OTUD7A: variants seen among roughly 807,000 people sequenced by gnomAD.
The protein encoded by OTUD7A is OTU deubiquitinase 7A.
In OTUD7A, 12 loss-of-function variants were observed where a neutral mutation model predicts 65.7. That is an observed-to-expected ratio of 0.18 (90% CI 0.12 to 0.30). The LOEUF (loss-of-function observed/expected upper bound fraction) is 0.30, where lower values mean the gene tolerates loss of function less well. OTUD7A is among the 10% of genes least tolerant of loss of function. The pLI is 1.00. For missense variants in OTUD7A, 1,148 were observed against 1,304.8 expected (o/e 0.88, Z 1.85); for synonymous variants, 641 against 586.3 (o/e 1.09, Z -1.35).
Position 31,849,994 on chromosome 15 carries a change from A to G in OTUD7A, c.-100+20513T>C, listed in dbSNP as rs552658704. ...TAAACTAGTTCAACCATTGTGGAAGACAGTGTGGCAATTCCTCAAGGATCT... is the reference window on the plus strand; with the variant it reads ...TAAACTAGTTCAACCATTGTGGAAGGCAGTGTGGCAATTCCTCAAGGATCT... On this transcript the variant is annotated intron_variant, in intron 1 of 12. Transcript: ENST00000307050. Among the ~76,000 whole-genome samples the G allele has an allele frequency of 1.9e-3, 291 of 152,320 alleles. 2 individuals carry two copies. In the Middle Eastern group the frequency reaches 0.041, roughly 21 times the overall value.
intron 1 of OTUD7A, chr15:31,689,471 G>A (rs1157304958): frequency 7.7e-5 from 11 of 143,420 alleles, no homozygotes; most frequent in Non-Finnish European, 1.7e-4. Flanking sequence ...AGACCACAGC[G>A]CCTGAGAACT....
At chr15:31,744,225 GAAGAT>G (rs931505449) in intron 1 of OTUD7A, among the ~76,000 whole-genome samples, 2 of 152,074 alleles carry the variant, frequency 1.3e-5, no homozygotes, top group African/African-American at 4.8e-5. Context: ...ACAACTTTAA[GAAGAT>G]AAGAGAAAGA....
chr15:31,850,925 A>G (rs986978881), intron 1 of OTUD7A, among the ~76,000 whole-genome samples: 1 of 152,222 alleles, frequency 6.6e-6, no homozygotes, highest in African/African-American at 2.4e-5. Context: ...CCCAAGAATA[A>G]GAGCCAACAG....
chr15:31,841,278 G>C (rs1307492155), intron 1 of OTUD7A, among the ~76,000 whole-genome samples: 2 of 152,194 alleles, frequency 1.3e-5, no homozygotes, highest in Non-Finnish European at 2.9e-5. Context: ...GCCTCAGAGA[G>C]AGTGAGAGGT....
intron 1 of OTUD7A, among the ~76,000 whole-genome samples, chr15:31,687,149 A>G (rs1350740537): frequency 6.6e-6 from 1 of 151,680 alleles, no homozygotes; most frequent in Middle Eastern, 3.2e-3. Flanking sequence ...TAAAAGCCCA[A>G]TTGGTTACTG....
chr15:31,711,076 A>AT (rs976701115), intron 1 of OTUD7A, among the ~76,000 whole-genome samples: 1 of 150,500 alleles, frequency 6.6e-6, no homozygotes, highest in Non-Finnish European at 1.5e-5. Context: ...CTAGGAAAAA[A>AT]AAAACAAAAC....
chr15:31,859,150 A>G (rs969028150), intron 1 of OTUD7A, among the ~76,000 whole-genome samples: 1 of 152,224 alleles, frequency 6.6e-6, no homozygotes, highest in Non-Finnish European at 1.5e-5. Flanking sequence ...ATGGCTGTAC[A>G]TCTTACTATT....
intron 1 of OTUD7A, among the ~76,000 whole-genome samples, chr15:31,816,096 G>A (rs1369594152): frequency 6.6e-6 from 1 of 152,170 alleles, no homozygotes; most frequent in East Asian, 1.9e-4. Flanking sequence ...TGCCTGCTCT[G>A]GGCACAGGTG....
At position 31,598,770 on chromosome 15, in the gene OTUD7A, C is replaced by A. The variant is rs144432559; in HGVS notation, c.152-28573G>T. Reference sequence around the variant, plus strand: ...AAGATGCACTGGCTTGAAATTCTCGCTGCTAGCACAGCAGTCTGAGGTCGA... The same window carrying A: ...AAGATGCACTGGCTTGAAATTCTCGATGCTAGCACAGCAGTCTGAGGTCGA... On this transcript the variant is annotated intron_variant, in intron 3 of 12. Transcript: ENST00000307050. Among the ~76,000 whole-genome samples the A allele has an allele frequency of 3.2e-3, 494 of 152,288 alleles. 3 individuals are homozygous for A. Among genetic ancestry groups the A allele is most frequent in the African/African-American group, 0.012 (478 of 41,546 alleles).
chr15:31,806,914 C>T (rs1290731934), intron 1 of OTUD7A, among the ~76,000 whole-genome samples: 1 of 152,130 alleles, frequency 6.6e-6, no homozygotes, highest in Non-Finnish European at 1.5e-5. Context: ...CACATAGTGC[C>T]CTGACACTGT....
chr15:31,525,221 C>T (rs773429277), intron 8 of OTUD7A, among the ~76,000 whole-genome samples: 2 of 152,182 alleles, frequency 1.3e-5, no homozygotes, highest in Non-Finnish European at 2.9e-5. Flanking sequence ...AGGCAGGACT[C>T]GGGAGGCGTG....
intron 1 of OTUD7A, among the ~76,000 whole-genome samples, chr15:31,792,069 C>T (rs909911122): frequency 2.6e-5 from 4 of 152,118 alleles, no homozygotes; most frequent in African/African-American, 9.7e-5. Context: ...TTCTCAGCAC[C>T]CACCAAGTTT....
Position 31,484,633 on chromosome 15 carries a change from A to G in OTUD7A, c.1463T>C (p.Val488Ala). ...GTTATTGCTGTTAGAATTGCTGCAC[A>G]CCGAATCGCGGTCCGAGTCCAGCGA... ...ADSLDSDRDS[V>A]CSNSNSNNGK... is the part of the protein sequence containing the mutation. The change falls in exon 13 of 13, where the codon GTG becomes GCG. Residue 488 changes from valine to alanine, a missense_variant. Physicochemically the swap from Val to Ala is moderately conservative, Grantham distance 64. Around this residue, in one of 6 missense-constraint regions of OTUD7A, gnomAD observed 842 missense variants for 769.5 expected, o/e 1.09. Coordinates refer to ENST00000307050, the MANE Select transcript of OTUD7A (RefSeq NM_001382637.1). The surrounding 1 kb of genome is among the most constrained non-coding windows in gnomAD (Gnocchi z 4.5). The G allele has an allele frequency of 6.3e-7, 1 of 1,591,746 alleles. No homozygotes were observed. Among genetic ancestry groups the G allele is most frequent in the Non-Finnish European group, 8.5e-7 (1 of 1,170,390 alleles).
chr15:31,815,261 T>C (rs1896518341), intron 1 of OTUD7A, among the ~76,000 whole-genome samples: 2 of 133,678 alleles, frequency 1.5e-5, no homozygotes, highest in African/African-American at 2.6e-5. Context: ...AGACCTCTGA[T>C]TTTAGCAGAG....
At chr15:31,570,318 T>G in intron 3 of OTUD7A, 121 bp from the exon 4 acceptor site, 1 of 1,178,606 alleles carries the variant, frequency 8.5e-7, no homozygotes, top group Non-Finnish European at 1.2e-6. Flanking sequence ...TTTTTACCAG[T>G]AGTTCTTGTT....
chr15:31,531,840 A>T (rs920402077), intron 5 of OTUD7A, among the ~76,000 whole-genome samples: 1 of 152,146 alleles, frequency 6.6e-6, no homozygotes, highest in African/African-American at 2.4e-5. Context: ...CTTGCCCTCT[A>T]TCTTCAGAGG....
chr15:31,803,039 T>C (rs1896177327), intron 1 of OTUD7A, among the ~76,000 whole-genome samples: 1 of 152,232 alleles, frequency 6.6e-6, no homozygotes, highest in Non-Finnish European at 1.5e-5. Context: ...GGCAGGTCTG[T>C]CTGTCGACTT....
chr15:31,757,816 T>C (rs1043439791), intron 1 of OTUD7A, among the ~76,000 whole-genome samples: 6 of 152,310 alleles, frequency 3.9e-5, no homozygotes, highest in African/African-American at 9.6e-5. Flanking sequence ...TCTTTGAGCA[T>C]TGTCAGTGCC....
chr15:31,753,718 A>AT (rs1567005029), intron 1 of OTUD7A, among the ~76,000 whole-genome samples: 86 of 82,296 alleles, frequency 1.0e-3, no homozygotes, highest in Admixed American at 1.7e-3. Flanking sequence ...ATATATATAT[A>AT]TATTATATAT....
Sources: allele counts gnomAD v4.1 joint callset (sites outside exome capture counted in the v4.1 genomes callset), GRCh38; gene constraint gnomAD v4.1.1; regional missense constraint gnomAD v4.1.1; non-coding constraint Gnocchi (gnomAD v3.1); transcripts MANE v1.5; gene names NCBI Gene and HGNC (gene_info 2026-07-23, HGNC 2026-07-21).